Variants in SLC44A5 observed in about 807,000 individuals in gnomAD.
SLC44A5 encodes solute carrier family 44 member 5, also known as choline transporter-like protein 5.
A neutral mutation model predicts 101.8 loss-of-function variants in SLC44A5; 57 were observed. The observed-to-expected ratio is 0.56, with a 90% confidence interval of 0.45 to 0.70. The LOEUF is 0.70. SLC44A5 is among the 30% of genes least tolerant of loss of function. SLC44A5 has a pLI of 0.00. For missense variants in SLC44A5, 737 were observed against 853.1 expected, an observed-to-expected ratio of 0.86 and a Z score of 1.70; for synonymous variants, 281 against 290.9, an observed-to-expected ratio of 0.97 and a Z score of 0.35.
intron 5 of SLC44A5, among the ~76,000 whole-genome samples, chr1:75,277,610 A>G (rs975803340): frequency 2.6e-5 from 4 of 152,008 alleles, no homozygotes; most frequent in African/African-American, 9.7e-5. Context: ...AATGTTCATA[A>G]TGTAGGAAAA....
chr1:75,691,122 A>G, the SLC44A5 span, among the ~76,000 whole-genome samples: 1 of 151,872 alleles, frequency 6.6e-6, no homozygotes, highest in Admixed American at 6.6e-5. Context: ...TTCTTTCACT[A>G]TTTTCCAACT....
At chr1:75,259,576 G>A (rs938623176) in intron 6 of SLC44A5, among the ~76,000 whole-genome samples, 2 of 152,132 alleles carry the variant, frequency 1.3e-5, no homozygotes, top group African/African-American at 4.8e-5. Context: ...AAAGTGACAG[G>A]GAGAATGGAA....
At chr1:75,509,309 T>C (rs1037815655) in intron 2 of SLC44A5, among the ~76,000 whole-genome samples, 1 of 152,238 alleles carries the variant, frequency 6.6e-6, no homozygotes, top group African/African-American at 2.4e-5. Flanking sequence ...GATTATGCAG[T>C]GTGATTCGTA....
chr1:75,685,296 C>T, the SLC44A5 span, among the ~76,000 whole-genome samples: 1 of 152,256 alleles, frequency 6.6e-6, no homozygotes, highest in South Asian at 2.1e-4. Context: ...AAACATTTTC[C>T]CCATTGTCTT....
intron 2 of SLC44A5, among the ~76,000 whole-genome samples, chr1:75,404,901 C>T (rs1029794758): frequency 1.3e-5 from 2 of 152,184 alleles, no homozygotes; most frequent in African/African-American, 2.4e-5. Context: ...CACAGACTGG[C>T]AAATTGGATA....
Position 75,219,297 on chromosome 1 carries a change from C to T in SLC44A5, c.1226G>A (p.Gly409Glu), listed in dbSNP as rs772124942. 3 of 1,613,416 alleles carry T rather than the reference C, an allele frequency of 1.9e-6. No homozygotes were observed. In the South Asian group the frequency reaches 3.3e-5, roughly 18 times the overall value. The stretch of plus-strand genomic sequence containing the variant: ...TTGATTTTCATGTATACAATGCCCC[C>T]CTGGAGCTATGACTTTGTATACAGG... ...GVPVYKVIAP[G>E]GHCIHENQTC... The change falls in exon 16 of 24, where the codon GGG (glycine) becomes GAG (glutamate). Residue 409 changes from glycine (G) to glutamate (E), a missense_variant. By Grantham distance (98) the Gly-to-Glu change is moderately conservative. Around this residue, in one of 3 missense-constraint regions of SLC44A5, gnomAD observed 665 missense variants for 764.4 expected, o/e 0.87. Coordinates refer to ENST00000370859, the MANE Select transcript of SLC44A5 (RefSeq NM_001130058.2).
At chr1:75,251,316 T>C (rs1020251018) in intron 6 of SLC44A5, 22 bp from the exon 7 acceptor site, 1 of 1,570,714 alleles carries the variant, frequency 6.4e-7, no homozygotes, top group Non-Finnish European at 8.7e-7. Flanking sequence ...GAAAACATAA[T>C]CTTTTTAGTG....
chr1:75,340,163 C>T (rs147553584), intron 3 of SLC44A5, among the ~76,000 whole-genome samples: 7 of 152,098 alleles, frequency 4.6e-5, no homozygotes, highest in Non-Finnish European at 8.8e-5. Flanking sequence ...ATTTTTATTG[C>T]AGTTTTTTCA....
intron 14 of SLC44A5, among the ~76,000 whole-genome samples, chr1:75,221,637 G>A (rs1647083395): frequency 6.6e-6 from 1 of 152,102 alleles, no homozygotes; most frequent in African/African-American, 2.4e-5. Context: ...GAATTATGGT[G>A]ATTTAAAGTT....
In SLC44A5 at chr1:75,492,500, A is replaced by T. The variant is rs566493939; in HGVS notation, c.13+48935T>A. 3.6e-4 allele frequency among the ~76,000 whole-genome samples: 55 copies of T among 152,356 alleles called. 1 individual carries two copies. Among genetic ancestry groups the T allele is most frequent in the African/African-American group, 1.3e-3 (55 of 41,592 alleles). ...TTAATGAATAAATAAAGATTAAAAA[A>T]TGAAAAGGACACAGTCCTTTACCAC... On this transcript the variant is annotated intron_variant, in intron 2 of 23. Coordinates refer to ENST00000370859, the MANE Select transcript of SLC44A5 (RefSeq NM_001130058.2).
chr1:75,428,597 C>A (rs1017186812), intron 2 of SLC44A5, among the ~76,000 whole-genome samples: 1 of 152,094 alleles, frequency 6.6e-6, no homozygotes, highest in Non-Finnish European at 1.5e-5. Flanking sequence ...ATTAGCTTCA[C>A]CAAGAGGGCA....
chr1:75,218,664 T>C lies in SLC44A5; in HGVS notation c.1355A>G (p.Tyr452Cys), dbSNP rs779352262. Reference protein sequence around the residue: ...FYGGKSLYHQYIPTFHVYNLF... With the variant: ...FYGGKSLYHQCIPTFHVYNLF... ...GTTGTATACATGGAAGGTAGGGATGTACTGATGGTACAAGCTCTTTCCACC... is the reference window on the plus strand; with the variant it reads ...GTTGTATACATGGAAGGTAGGGATGCACTGATGGTACAAGCTCTTTCCACC... The change falls in exon 17 of 24, where the codon TAC becomes TGC. Residue 452 changes from tyrosine (Y) to cysteine (C), a missense_variant. Physicochemically the swap from Tyr to Cys is radical, Grantham distance 194 (BLOSUM62 -2). Transcript: ENST00000370859. The C allele has an allele frequency of 6.8e-6, 11 of 1,613,784 alleles. No homozygotes were observed. The highest frequency in any genetic ancestry group is 9.3e-6 in the Non-Finnish European group (11 of 1,179,746).
At chr1:75,444,092 G>A (rs568531748) in intron 2 of SLC44A5, among the ~76,000 whole-genome samples, 34 of 151,924 alleles carry the variant, frequency 2.2e-4, no homozygotes, top group African/African-American at 7.0e-4. Context: ...TGAGGTGGGC[G>A]GATCACCTGA....
intron 1 of SLC44A5, among the ~76,000 whole-genome samples, chr1:75,580,885 G>T (rs898073929): frequency 6.6e-6 from 1 of 151,410 alleles, no homozygotes; most frequent in African/African-American, 2.4e-5. Flanking sequence ...AAAGGAAAGA[G>T]GGCCCATATG....
the SLC44A5 span, among the ~76,000 whole-genome samples, chr1:75,678,232 G>A: frequency 6.6e-6 from 1 of 152,164 alleles, no homozygotes; most frequent in Non-Finnish European, 1.5e-5. Flanking sequence ...CAAAGCAGCA[G>A]GGAAGCTCGA....
At chr1:75,678,686 A>C in the SLC44A5 span, among the ~76,000 whole-genome samples, 1 of 151,520 alleles carries the variant, frequency 6.6e-6, no homozygotes, top group South Asian at 2.1e-4. Context: ...AAAACTGGAA[A>C]CTCTAAAAAT....
At chr1:75,354,660 C>T (rs749383396) in intron 3 of SLC44A5, among the ~76,000 whole-genome samples, 11 of 152,150 alleles carry the variant, frequency 7.2e-5, no homozygotes, top group Non-Finnish European at 1.6e-4. Context: ...GTCACCCCCA[C>T]GACCTGGTGT....
At chr1:75,710,926 C>A in the SLC44A5 span, among the ~76,000 whole-genome samples, 1 of 152,162 alleles carries the variant, frequency 6.6e-6, no homozygotes, top group South Asian at 2.1e-4. Context: ...TCCTGTCTCT[C>A]CTGGTAATTT....
intron 19 of SLC44A5, among the ~76,000 whole-genome samples, chr1:75,215,434 G>A (rs1031139139): frequency 6.6e-6 from 1 of 151,890 alleles, no homozygotes; most frequent in African/African-American, 2.4e-5. Context: ...GTAAAACATA[G>A]ATTAAATACT....
Sources: gnomAD v4.1 joint callset for allele counts (sites outside exome capture counted in the v4.1 genomes callset) on GRCh38, gnomAD v4.1.1 for gene constraint, gnomAD v4.1.1 regional missense constraint, MANE v1.5 for transcripts, NCBI Gene and HGNC (gene_info 2026-07-23, HGNC 2026-07-21) for gene names.